The following RANBP2 variants were observed in gnomAD, a reference collection of about 807,000 sequenced individuals.
The protein encoded by RANBP2 is RAN binding protein 2.
Under a neutral mutation model 303.6 loss-of-function variants are expected in RANBP2, and 57 were observed. The observed-to-expected ratio is 0.19, with a 90% CI of 0.15 to 0.23. The LOEUF is 0.23. Ranked by LOEUF, RANBP2 falls within the 10% of genes least tolerant of loss-of-function variation. The pLI, the probability that RANBP2 is intolerant of heterozygous loss-of-function variation, is 1.00. For synonymous variants in RANBP2, 1,167 were observed against 1,301.5 expected, an observed-to-expected ratio of 0.90 and a Z score of 2.23; for missense variants, 3,138 against 3,780.8, an observed-to-expected ratio of 0.83 and a Z score of 4.46.
chr2:108,795,905 C>T, the RANBP2 span, among the ~76,000 whole-genome samples: 1 of 152,082 alleles, frequency 6.6e-6, no homozygotes. Context: ...TAGGAAGATT[C>T]CTTTGATAAC....
the RANBP2 span, among the ~76,000 whole-genome samples, chr2:109,625,407 C>G: frequency 2.0e-5 from 3 of 151,622 alleles, no homozygotes; most frequent in African/African-American, 7.3e-5. Context: ...GTAATCCCAG[C>G]ACTTTGGGAG....
the RANBP2 span, among the ~76,000 whole-genome samples, chr2:109,552,082 A>G: frequency 5.3e-4 from 81 of 152,334 alleles, 1 homozygote; most frequent in Admixed American, 2.7e-3. Context: ...AGATTCCCAC[A>G]GGAGCACAAA....
chr2:109,544,559 AG>A, the RANBP2 span: 1 of 983,790 alleles, frequency 1.0e-6, no homozygotes, highest in Non-Finnish European at 1.2e-6. Flanking sequence ...CAAGTGGAGC[AG>A]GGTGATAATT....
downstream of RANBP2, among the ~76,000 whole-genome samples, chr2:108,787,798 T>A (rs1001118964): frequency 6.6e-6 from 1 of 152,130 alleles, no homozygotes; most frequent in African/African-American, 2.4e-5. Flanking sequence ...TTAGATTGAT[T>A]ATGCATTTTT....
At chr2:108,845,598 G>A in the RANBP2 span, among the ~76,000 whole-genome samples, 1 of 140,208 alleles carries the variant, frequency 7.1e-6, no homozygotes, top group African/African-American at 2.7e-5. Context: ...TTGAGATGGA[G>A]TCTCGCTCTG....
At chr2:109,494,971 C>T in the RANBP2 span, among the ~76,000 whole-genome samples, 2 of 151,874 alleles carry the variant, frequency 1.3e-5, no homozygotes, top group African/African-American at 2.4e-5. Context: ...AATCTGGGGC[C>T]GGGTCAGCGA....
chr2:109,051,812 G>A, the RANBP2 span, among the ~76,000 whole-genome samples: 2 of 151,212 alleles, frequency 1.3e-5, no homozygotes, highest in Admixed American at 6.6e-5. Flanking sequence ...GCAGTGGCAC[G>A]GTCTTGGCTC....
the RANBP2 span, among the ~76,000 whole-genome samples, chr2:109,555,946 C>G: frequency 6.6e-6 from 1 of 152,220 alleles, no homozygotes; most frequent in African/African-American, 2.4e-5. Context: ...TCCTTCCAAG[C>G]ACTGCCATGG....
the RANBP2 span, among the ~76,000 whole-genome samples, chr2:109,332,830 T>C: frequency 6.6e-6 from 1 of 152,350 alleles, no homozygotes; most frequent in East Asian, 1.9e-4. Flanking sequence ...ACGTGCACAG[T>C]ATGTTAATTG....
At chr2:109,516,931 C>T in the RANBP2 span, among the ~76,000 whole-genome samples, 1 of 152,162 alleles carries the variant, frequency 6.6e-6, no homozygotes, top group Non-Finnish European at 1.5e-5. Context: ...CAGCATGGCC[C>T]CCAGAATTCC....
the RANBP2 span, among the ~76,000 whole-genome samples, chr2:108,920,424 A>G: frequency 6.6e-6 from 1 of 152,196 alleles, no homozygotes; most frequent in South Asian, 2.1e-4. Flanking sequence ...AGATCCCTTT[A>G]TGCAGGATGG....
the RANBP2 span, among the ~76,000 whole-genome samples, chr2:109,047,215 C>T: frequency 1.3e-5 from 2 of 152,212 alleles, no homozygotes; most frequent in Admixed American, 1.3e-4. Flanking sequence ...AGCCCTGCTC[C>T]CATTGCTTCC....
the RANBP2 span, among the ~76,000 whole-genome samples, chr2:108,919,773 G>A: frequency 6.6e-6 from 1 of 151,944 alleles, no homozygotes; most frequent in South Asian, 2.1e-4. Context: ...GCGAGGCTCC[G>A]TGGGGCACCT....
At chr2:109,284,982 A>G in the RANBP2 span, among the ~76,000 whole-genome samples, 1 of 152,276 alleles carries the variant, frequency 6.6e-6, no homozygotes, top group South Asian at 2.1e-4. Context: ...AGTGAAGTCA[A>G]TGTGGGGAAC....
the RANBP2 span, among the ~76,000 whole-genome samples, chr2:109,377,692 C>T: frequency 6.6e-6 from 1 of 152,050 alleles, no homozygotes; most frequent in Non-Finnish European, 1.5e-5. Flanking sequence ...TGGCCATTTC[C>T]CGTTTGAGAG....
chr2:108,729,030 G>T (rs565297768), intron 1 of RANBP2, 102 bp from the exon 2 acceptor site: 4 of 1,335,780 alleles, frequency 3.0e-6, no homozygotes, highest in Non-Finnish European at 4.1e-6. Flanking sequence ...GAATGAAAGT[G>T]GCGTATTTGA....
chr2:108,873,469 TG>T, the RANBP2 span: 1 of 1,600,590 alleles, frequency 6.2e-7, no homozygotes, highest in Non-Finnish European at 8.5e-7. Flanking sequence ...CAGCCTTTCC[TG>T]GAAGCCTGTA....
the RANBP2 span, among the ~76,000 whole-genome samples, chr2:109,468,023 GAC>G: frequency 6.6e-6 from 1 of 152,214 alleles, no homozygotes; most frequent in South Asian, 2.1e-4. Context: ...GCCCAGAAGT[GAC>G]ACACATCACA....
the RANBP2 span, among the ~76,000 whole-genome samples, chr2:109,228,032 A>G: frequency 6.6e-6 from 1 of 151,720 alleles, no homozygotes; most frequent in African/African-American, 2.4e-5. Flanking sequence ...GTTTTCCTTT[A>G]TTTGTAGGAA....
Sources: gnomAD v4.1 joint callset for allele counts (sites outside exome capture counted in the v4.1 genomes callset) on GRCh38, gnomAD v4.1.1 for gene constraint, MANE v1.5 for transcripts, NCBI Gene and HGNC (gene_info 2026-07-23, HGNC 2026-07-21) for gene names.